The following ITGBL1 variants were observed in gnomAD, a reference collection of about 807,000 sequenced individuals.
ITGBL1 encodes the protein integrin subunit beta like 1.
Under a neutral mutation model 68.5 loss-of-function variants are expected in ITGBL1, and 51 were observed. The observed-to-expected ratio is 0.74, with a 90% CI of 0.59 to 0.94. ITGBL1 has a LOEUF of 0.94. Among genes scored for constraint, ITGBL1 ranks in the 40% least tolerant of loss-of-function variants. The pLI, the probability that ITGBL1 is intolerant of heterozygous loss-of-function variation, is 0.00. For synonymous variants in ITGBL1, 209 were observed against 227.3 expected (o/e 0.92, Z 0.72); for missense variants, 649 against 647.4 (o/e 1.00, Z -0.03).
At chr13:101,522,195 T>C (rs1467661442) in intron 2 of ITGBL1, among the ~76,000 whole-genome samples, 3 of 152,166 alleles carry the variant, frequency 2.0e-5, no homozygotes, top group Admixed American at 1.3e-4. Flanking sequence ...TACAGTCACA[T>C]GGGAAGTGAA....
chr13:101,702,559 C>T (rs2034159641), intron 8 of ITGBL1, among the ~76,000 whole-genome samples: 1 of 150,516 alleles, frequency 6.6e-6, no homozygotes, highest in South Asian at 2.1e-4. Flanking sequence ...TTTTCATTTT[C>T]CATATAGTAC....
chr13:101,563,269 A>C (rs939360235), intron 2 of ITGBL1, among the ~76,000 whole-genome samples: 2 of 151,440 alleles, frequency 1.3e-5, no homozygotes, highest in African/African-American at 2.4e-5. Context: ...TAAATCCAAA[A>C]ACAGGAGAAG....
At chr13:101,565,326 T>C (rs2050167346) in intron 2 of ITGBL1, among the ~76,000 whole-genome samples, 1 of 152,154 alleles carries the variant, frequency 6.6e-6, no homozygotes, top group Non-Finnish European at 1.5e-5. Context: ...GAATACTATT[T>C]TGTAAATATA....
intron 7 of ITGBL1, among the ~76,000 whole-genome samples, chr13:101,666,413 A>G (rs145302100): frequency 6.6e-6 from 1 of 152,168 alleles, no homozygotes; most frequent in African/African-American, 2.4e-5. Context: ...TGGAACTGTG[A>G]GCCTGTCTTC....
chr13:101,620,114 A>G (rs976881366), intron 7 of ITGBL1, among the ~76,000 whole-genome samples: 4 of 152,180 alleles, frequency 2.6e-5, no homozygotes, highest in African/African-American at 4.8e-5. Context: ...CATAATTACA[A>G]TATTTTAATA....
chr13:101,480,943 G>T (rs1324457722), intron 2 of ITGBL1, among the ~76,000 whole-genome samples: 1 of 151,750 alleles, frequency 6.6e-6, no homozygotes, highest in Non-Finnish European at 1.5e-5. Flanking sequence ...TGCTGTTGGA[G>T]AGAAACCTTC....
At chr13:101,551,111 T>TG (rs1197154269) in intron 2 of ITGBL1, among the ~76,000 whole-genome samples, 1 of 151,920 alleles carries the variant, frequency 6.6e-6, no homozygotes, top group East Asian at 1.9e-4. Context: ...CAGAGGAGGA[T>TG]GGGGAGGGTA....
At chr13:101,464,998 G>A (rs530011994) in intron 2 of ITGBL1, among the ~76,000 whole-genome samples, 3 of 152,238 alleles carry the variant, frequency 2.0e-5, no homozygotes, top group Admixed American at 6.5e-5. Context: ...GTCTTTATCT[G>A]TTTAATGAAT....
At chr13:101,575,619 C>A in intron 4 of ITGBL1, 73 bp downstream of exon 4, 1 of 1,459,148 alleles carries the variant, frequency 6.9e-7, no homozygotes, top group Non-Finnish European at 9.5e-7. Flanking sequence ...TCTTTTATCT[C>A]TACATAAGTT....
chr13:101,613,412 T>A (rs781102143), intron 7 of ITGBL1, among the ~76,000 whole-genome samples: 6 of 152,120 alleles, frequency 3.9e-5, no homozygotes, highest in Non-Finnish European at 7.3e-5. Flanking sequence ...TCATAGAGTT[T>A]GGGAAAATAA....
chr13:101,567,438 T>C (rs2050199096), intron 2 of ITGBL1, among the ~76,000 whole-genome samples: 1 of 152,162 alleles, frequency 6.6e-6, no homozygotes, highest in African/African-American at 2.4e-5. Context: ...GACCCTGTGA[T>C]TTATTAGGCT....
intron 9 of ITGBL1, among the ~76,000 whole-genome samples, chr13:101,708,545 G>A (rs928786474): frequency 2.0e-5 from 3 of 152,166 alleles, no homozygotes; most frequent in African/African-American, 7.2e-5. Context: ...CACACACGAA[G>A]GAAGGAGGTC....
chr13:101,650,820 G>C (rs58738653), intron 7 of ITGBL1, among the ~76,000 whole-genome samples: 1,869 of 152,052 alleles, frequency 0.012, 45 homozygotes, highest in African/African-American at 0.043. Context: ...ACCCCAGTGT[G>C]TGTTCTGCTC....
chr13:101,589,320 C>T (rs1292689637), intron 6 of ITGBL1, among the ~76,000 whole-genome samples: 1 of 152,104 alleles, frequency 6.6e-6, no homozygotes, highest in African/African-American at 2.4e-5. Context: ...ATTCTACTTT[C>T]CCCAAACAAT....
rs551588519 is a variant in ITGBL1, at chr13:101,494,550, C to G, written c.316+40450C>G. On this transcript the variant is annotated intron_variant, in intron 2 of 10. Coordinates refer to ENST00000376180, the MANE Select transcript of ITGBL1 (RefSeq NM_004791.3). Reference sequence around the variant, plus strand: ...GCTCTAACTTCAGTGACAATAAGCTCTTTCCAGAGATTTATCTTAAGACAA... The same window carrying G: ...GCTCTAACTTCAGTGACAATAAGCTGTTTCCAGAGATTTATCTTAAGACAA... Among the ~76,000 whole-genome samples the G allele has an allele frequency of 4.6e-5, 7 of 152,270 alleles. No individual in the cohort carries two copies. The South Asian group carries it at 1.2e-3, about 27-fold the overall frequency.
intron 2 of ITGBL1, among the ~76,000 whole-genome samples, chr13:101,507,431 A>G (rs1226768383): frequency 1.3e-5 from 2 of 152,188 alleles, no homozygotes; most frequent in East Asian, 3.8e-4. Context: ...TTTTCTTCAC[A>G]TATCATCCTG....
At chr13:101,642,900 T>C (rs1334020529) in intron 7 of ITGBL1, among the ~76,000 whole-genome samples, 2 of 151,308 alleles carry the variant, frequency 1.3e-5, no homozygotes, top group Non-Finnish European at 3.0e-5. Flanking sequence ...TTCTGAGGGC[T>C]CTGTTCTGTT....
chr13:101,656,848 T>C (rs896930098), intron 7 of ITGBL1, among the ~76,000 whole-genome samples: 2 of 152,190 alleles, frequency 1.3e-5, no homozygotes, highest in Non-Finnish European at 1.5e-5. Context: ...TTTTTGTCAA[T>C]AAAATACATC....
chr13:101,550,027 AAAGG>A (rs1460865632), intron 2 of ITGBL1, among the ~76,000 whole-genome samples: 1 of 152,210 alleles, frequency 6.6e-6, no homozygotes, highest in African/African-American at 2.4e-5. Context: ...GTTAGTTAAT[AAAGG>A]ACTGCTAGAT....
Sources: gnomAD v4.1 joint callset for allele counts (sites outside exome capture counted in the v4.1 genomes callset) on GRCh38, gnomAD v4.1.1 for gene constraint, MANE v1.5 for transcripts, NCBI Gene and HGNC (gene_info 2026-07-23, HGNC 2026-07-21) for gene names.